SKP1: variants seen among roughly 807,000 people sequenced by gnomAD.
SKP1 encodes S-phase kinase associated protein 1.
Under a neutral mutation model 21.5 loss-of-function variants are expected in SKP1, and 1 was observed. That is an observed-to-expected ratio of 0.05 (90% CI 0.02 to 0.22). The LOEUF (loss-of-function observed/expected upper bound fraction) is 0.22. SKP1 is among the 10% of genes least tolerant of loss of function. SKP1 has a pLI of 1.00. For missense variants in SKP1, 70 were observed against 192.0 expected (o/e 0.36, Z 3.76); for synonymous variants, 59 against 59.3 (o/e 0.99, Z 0.03).
At chr5:134,164,765 T>G (rs1231491469) in intron 3 of SKP1, among the ~76,000 whole-genome samples, 1 of 152,218 alleles carries the variant, frequency 6.6e-6, no homozygotes, top group Non-Finnish European at 1.5e-5. Flanking sequence ...TGGTAGAAAC[T>G]TTTAAAGAGT....
intron 2 of SKP1, among the ~76,000 whole-genome samples, chr5:134,170,326 A>G (rs947085525): frequency 6.6e-6 from 1 of 152,212 alleles, no homozygotes; most frequent in African/African-American, 2.4e-5. Flanking sequence ...TCTAGCATTT[A>G]AAGTAAGGAT....
At chr5:134,163,212 C>CAAA (rs747546593) in intron 3 of SKP1, among the ~76,000 whole-genome samples, 1,414 of 70,090 alleles carry the variant, frequency 0.02, 113 homozygotes, top group African/African-American at 0.091. Context: ...GCGATTCTGT[C>CAAA]AAAAAAAAAA....
chr5:134,163,646 C>A (rs936507677), intron 3 of SKP1, among the ~76,000 whole-genome samples: 2 of 151,784 alleles, frequency 1.3e-5, no homozygotes, highest in African/African-American at 4.8e-5. Context: ...AAAAATTTGC[C>A]AAGTGTGGTG....
chr5:134,166,976 GCAGA>G (rs1380831436), intron 3 of SKP1, among the ~76,000 whole-genome samples, 190 bp downstream of exon 3: 1 of 152,156 alleles, frequency 6.6e-6, no homozygotes, highest in Non-Finnish European at 1.5e-5. Flanking sequence ...TGGCAAGAAA[GCAGA>G]CAGAACTTTT....
intron 4 of SKP1, among the ~76,000 whole-genome samples, chr5:134,159,574 G>A (rs1390428368): frequency 3.4e-5 from 5 of 148,642 alleles, no homozygotes; most frequent in Admixed American, 1.3e-4. Context: ...TTGAGACGAA[G>A]TCTCGCTCTG....
chr5:134,173,298 C>T (rs1761481423), intron 2 of SKP1: 1 of 170,408 alleles, frequency 5.9e-6, no homozygotes, highest in African/African-American at 2.4e-5. Context: ...CACCATCGCA[C>T]TTCAGGTTGG....
chr5:134,171,036 T>C, intron 2 of SKP1: 2 of 456,198 alleles, frequency 4.4e-6, no homozygotes, highest in African/African-American at 2.0e-5. Flanking sequence ...TGATGAACAG[T>C]GACTGTGGGA....
rs182376883 is a variant in SKP1 at position 134,150,024 on chromosome 5, A to C, written c.*7709T>G. On this transcript the variant is annotated 3_prime_UTR_variant, in exon 6 of 6. Coordinates refer to ENST00000353411, the MANE Select transcript of SKP1 (RefSeq NM_170679.3). ...AACCAACCCTGTTTCCTGAGACATC[A>C]TAAGACAAGATACCTTAGCCTCCCT... is the stretch of plus-strand genomic sequence containing the variant. The C allele has an allele frequency of 3.3e-5, 5 of 152,288 alleles. No homozygotes were observed. Among genetic ancestry groups the C allele is most frequent in the Admixed American group, 3.3e-4 (5 of 15,300 alleles). The allele number at this position is 152,288 out of a possible 1,614,324, so 9.4% of individuals were successfully genotyped here.
chr5:134,176,754 G>A (rs892734154), intron 1 of SKP1, 101 bp downstream of exon 1: 3 of 152,426 alleles, frequency 2.0e-5, no homozygotes, highest in African/African-American at 7.2e-5. Flanking sequence ...GCCAGGCCCA[G>A]TCACCGCCCG....
intron 3 of SKP1, among the ~76,000 whole-genome samples, chr5:134,162,549 G>A (rs2149374219): frequency 6.6e-6 from 1 of 152,132 alleles, no homozygotes; most frequent in South Asian, 2.1e-4. Context: ...GGGATTATAG[G>A]TGCCTGCCAC....
Position 134,153,376 on chromosome 5 carries a change from G to A in SKP1, c.*4357C>T, listed in dbSNP as rs1487710995. 1.3e-5 allele frequency: 2 copies of A among 152,378 alleles called. No homozygotes were observed. Among genetic ancestry groups the A allele is most frequent in the Non-Finnish European group, 2.9e-5 (2 of 68,210 alleles). The allele number at this position is 152,378 out of a possible 1,614,324, so 9.4% of individuals were successfully genotyped here. A position where few individuals can be genotyped will look rare whatever the true frequency, so the allele number is the denominator to read the frequency against. On this transcript the variant is annotated 3_prime_UTR_variant, in exon 6 of 6. Transcript: ENST00000353411. ...CACACATGTAGTCCTAGCTATTCAG[G>A]AGGCTGAGGCAGGAGGACTGTTGGA...
intron 2 of SKP1, among the ~76,000 whole-genome samples, chr5:134,171,233 C>T (rs1243073919): frequency 1.3e-5 from 2 of 152,246 alleles, no homozygotes; most frequent in Non-Finnish European, 2.9e-5. Flanking sequence ...GCCTCTACCA[C>T]ACCTAAGTAT....
intron 3 of SKP1, among the ~76,000 whole-genome samples, chr5:134,166,207 A>G (rs143288916): frequency 1.8e-3 from 277 of 151,794 alleles, no homozygotes; most frequent in Non-Finnish European, 2.7e-3. Context: ...GATGCTATAT[A>G]TTAACTAACA....
At chr5:134,165,911 T>G (rs996127867) in intron 3 of SKP1, among the ~76,000 whole-genome samples, 10 of 148,898 alleles carry the variant, frequency 6.7e-5, no homozygotes, top group African/African-American at 2.0e-4. Flanking sequence ...AAATTCAGGT[T>G]AGCCAGGCAT....
intron 4 of SKP1, among the ~76,000 whole-genome samples, chr5:134,160,007 A>G (rs574152049): frequency 4.6e-5 from 7 of 151,868 alleles, no homozygotes; most frequent in African/African-American, 1.4e-4. Flanking sequence ...GGCCCAGAAC[A>G]TGGTCTATTT....
At chr5:134,158,120 C>T in intron 5 of SKP1, 1 of 1,393,486 alleles carries the variant, frequency 7.2e-7, no homozygotes. Flanking sequence ...TCTAAAGTAC[C>T]CTAGTATATA....
At position 134,158,118 on chromosome 5, in the gene SKP1, ACC is replaced by A. The variant is rs1413482939; in HGVS notation, c.456+335_456+336del. 11 of 1,395,666 alleles carry A rather than the reference ACC, an allele frequency of 7.9e-6. No homozygotes were observed. The Admixed American group carries it at 2.7e-4, about 34-fold the overall frequency. 86.5% of individuals were successfully genotyped at this position (1,395,666 alleles called of 1,614,324 possible). A position where few individuals can be genotyped will look rare whatever the true frequency, so the allele number is the denominator to read the frequency against. ...TCCCCTCATTAAGTTGCTCTAAAGT[ACC>A]CTAGTATATACTTCTCTCTAGGGCC... On this transcript the variant is annotated intron_variant, in intron 5 of 5. Coordinates refer to ENST00000353411, the MANE Select transcript of SKP1 (RefSeq NM_170679.3).
chr5:134,157,808 A>G, intron 5 of SKP1, 40 bp from the exon 6 acceptor site: 1 of 1,612,600 alleles, frequency 6.2e-7, no homozygotes, highest in Non-Finnish European at 8.5e-7. Context: ...TAACTTGAGT[A>G]GTCTTTCCTA....
In SKP1 at chr5:134,150,847, A is replaced by ATC. The variant is rs1355714452; in HGVS notation, c.*6884_*6885dup. 1 of 152,232 alleles carries ATC rather than the reference A, an allele frequency of 6.6e-6. No individual in the cohort carries two copies. Among genetic ancestry groups the ATC allele is most frequent in the Non-Finnish European group, 1.5e-5 (1 of 68,056 alleles). The allele number at this position is 152,232 out of a possible 1,614,324, so 9.4% of individuals were successfully genotyped here. ...TAACAAACCATTACTGGCAGTGAGC[A>ATC]TCTGAAAATACTCAAAACGGCACCG... is the stretch of plus-strand genomic sequence containing the variant. On this transcript the variant is annotated 3_prime_UTR_variant, in exon 6 of 6. Coordinates refer to ENST00000353411, the MANE Select transcript of SKP1 (RefSeq NM_170679.3).
Sources: gnomAD v4.1 joint callset for allele counts (sites outside exome capture counted in the v4.1 genomes callset) on GRCh38, gnomAD v4.1.1 for gene constraint, MANE v1.5 for transcripts, NCBI Gene and HGNC (gene_info 2026-07-23, HGNC 2026-07-21) for gene names.